The following GPC6 variants were observed in gnomAD, a reference collection of about 807,000 sequenced individuals.
GPC6 encodes the protein glypican 6.
Under a neutral mutation model 55.2 loss-of-function variants are expected in GPC6, and 14 were observed. That is an observed-to-expected ratio of 0.25 (90% confidence interval 0.17 to 0.40). The LOEUF (loss-of-function observed/expected upper bound fraction) is 0.40. GPC6 is among the 10% of genes least tolerant of loss of function. The pLI, the probability that GPC6 is intolerant of heterozygous loss-of-function variation, is 1.00. For missense variants in GPC6, 641 were observed against 708.5 expected, an observed-to-expected ratio of 0.90 and a Z score of 1.08; for synonymous variants, 278 against 259.6, an observed-to-expected ratio of 1.07 and a Z score of -0.68.
intron 2 of GPC6, among the ~76,000 whole-genome samples, chr13:93,671,624 G>A (rs1487927667): frequency 6.6e-6 from 1 of 151,778 alleles, no homozygotes; most frequent in Non-Finnish European, 1.5e-5. Flanking sequence ...TTTTTTTTGG[G>A]TTCTCTGGTT....
At chr13:93,295,939 C>G (rs1232143244) in intron 1 of GPC6, among the ~76,000 whole-genome samples, 1 of 151,996 alleles carries the variant, frequency 6.6e-6, no homozygotes, top group Non-Finnish European at 1.5e-5. Context: ...TCTTGAACTC[C>G]TGGGCTCAAG....
intron 3 of GPC6, among the ~76,000 whole-genome samples, chr13:94,026,269 T>C (rs1229206049): frequency 6.6e-6 from 1 of 152,120 alleles, no homozygotes; most frequent in Admixed American, 6.6e-5. Context: ...GCATTAAGAA[T>C]CTCAAAATTG....
chr13:93,558,485 A>G (rs1284691169), intron 2 of GPC6, among the ~76,000 whole-genome samples: 1 of 152,194 alleles, frequency 6.6e-6, no homozygotes, highest in Non-Finnish European at 1.5e-5. Context: ...CTTGAAGGTT[A>G]GGAAGGATTC....
rs1594733311 is a variant in GPC6 at position 94,097,028 on chromosome 13, A to AT, written c.877+69136dup. On this transcript the variant is annotated intron_variant, in intron 4 of 8. Transcript: ENST00000377047. ...TATTATGATAAATAGGTTAACACCT[A>AT]TTATGATAAATAGGTTAATACCTAT... Among the ~76,000 whole-genome samples the AT allele has an allele frequency of 2.0e-5, 3 of 152,010 alleles. No homozygotes were observed. In the East Asian group the frequency reaches 5.8e-4, roughly 29 times the overall value.
At chr13:93,658,141 T>G (rs1277997869) in intron 2 of GPC6, among the ~76,000 whole-genome samples, 1 of 152,000 alleles carries the variant, frequency 6.6e-6, no homozygotes, top group Non-Finnish European at 1.5e-5. Flanking sequence ...CACTTTTACA[T>G]TATCCAATCA....
chr13:93,614,501 T>C (rs934725713), intron 2 of GPC6, among the ~76,000 whole-genome samples: 4 of 152,160 alleles, frequency 2.6e-5, no homozygotes, highest in Non-Finnish European at 5.9e-5. Flanking sequence ...AACTAGCTCC[T>C]TGGGTGGCGG....
intron 5 of GPC6, among the ~76,000 whole-genome samples, chr13:94,295,083 G>A (rs1418777719): frequency 6.6e-6 from 1 of 152,182 alleles, no homozygotes; most frequent in African/African-American, 2.4e-5. Flanking sequence ...CTTGAAGTTA[G>A]TCTAGTATTC....
At chr13:93,287,065 A>G (rs1383427128) in intron 1 of GPC6, among the ~76,000 whole-genome samples, 1 of 152,220 alleles carries the variant, frequency 6.6e-6, no homozygotes, top group Non-Finnish European at 1.5e-5. Context: ...GGCATATTTG[A>G]AACATAAGTG....
intron 3 of GPC6, among the ~76,000 whole-genome samples, chr13:93,846,754 C>T (rs2139005938): frequency 6.6e-6 from 1 of 152,214 alleles, no homozygotes; most frequent in African/African-American, 2.4e-5. Context: ...ACGGAGGTTG[C>T]AGTGAGCTGA....
intron 4 of GPC6, among the ~76,000 whole-genome samples, chr13:94,197,754 G>T (rs772743236): frequency 1.1e-4 from 17 of 152,106 alleles, no homozygotes; most frequent in South Asian, 6.2e-4. Flanking sequence ...CTGTATTTTG[G>T]CAACTTACTA....
intron 6 of GPC6, among the ~76,000 whole-genome samples, chr13:94,361,871 C>T (rs1879074208): frequency 6.6e-6 from 1 of 152,184 alleles, no homozygotes; most frequent in African/African-American, 2.4e-5. Flanking sequence ...TAGTAACTGA[C>T]TTTAAATCCT....
chr13:93,437,559 C>A (rs575891110), intron 1 of GPC6, among the ~76,000 whole-genome samples: 1 of 152,264 alleles, frequency 6.6e-6, no homozygotes, highest in South Asian at 2.1e-4. Flanking sequence ...ACATTTCCTT[C>A]AGTCAAATCT....
At chr13:93,595,829 T>C (rs1877703036) in intron 2 of GPC6, among the ~76,000 whole-genome samples, 1 of 152,232 alleles carries the variant, frequency 6.6e-6, no homozygotes, top group Non-Finnish European at 1.5e-5. Flanking sequence ...GTTATTGTTA[T>C]ACATCAGAAT....
intron 2 of GPC6, among the ~76,000 whole-genome samples, chr13:93,687,801 G>A (rs1233694525): frequency 6.6e-6 from 1 of 151,978 alleles, no homozygotes; most frequent in African/African-American, 2.4e-5. Context: ...TGAATGCATT[G>A]TCTGGGCTCC....
At chr13:94,021,475 C>A (rs1200571261) in intron 3 of GPC6, among the ~76,000 whole-genome samples, 1 of 151,882 alleles carries the variant, frequency 6.6e-6, no homozygotes. Flanking sequence ...CCTCAAGTCC[C>A]GTTTAGAAAA....
At chr13:93,944,834 T>C (rs1174287669) in intron 3 of GPC6, among the ~76,000 whole-genome samples, 1 of 152,122 alleles carries the variant, frequency 6.6e-6, no homozygotes, top group Non-Finnish European at 1.5e-5. Flanking sequence ...CAGAAAGGGT[T>C]TGTGTTGGCT....
chr13:93,904,814 T>G (rs1231595776), intron 3 of GPC6, among the ~76,000 whole-genome samples: 3 of 152,108 alleles, frequency 2.0e-5, no homozygotes, highest in Non-Finnish European at 2.9e-5. Context: ...TTAGGGTACG[T>G]GTGCACAATG....
intron 2 of GPC6, among the ~76,000 whole-genome samples, chr13:93,579,654 G>A (rs917425776): frequency 2.6e-5 from 4 of 152,194 alleles, no homozygotes; most frequent in Admixed American, 2.0e-4. Context: ...AGTATAATTT[G>A]GGAGGGATAG....
intron 3 of GPC6, among the ~76,000 whole-genome samples, chr13:93,854,373 A>G (rs910788433): frequency 6.6e-6 from 1 of 151,660 alleles, no homozygotes; most frequent in African/African-American, 2.4e-5. Context: ...TTTAAAGATA[A>G]CCTTAAACCT....
Sources: gnomAD v4.1 joint callset for allele counts (sites outside exome capture counted in the v4.1 genomes callset) on GRCh38, gnomAD v4.1.1 for gene constraint, MANE v1.5 for transcripts, NCBI Gene and HGNC (gene_info 2026-07-23, HGNC 2026-07-21) for gene names.